NSF: variants seen among roughly 807,000 people sequenced by gnomAD.
NSF encodes the protein N-ethylmaleimide sensitive factor, vesicle fusing ATPase.
A neutral mutation model predicts 50.3 loss-of-function variants in NSF; 14 were observed. The ratio of observed to expected loss-of-function variants is 0.28; its 90% confidence interval spans 0.18 to 0.44. The LOEUF (loss-of-function observed/expected upper bound fraction) is 0.44. Among genes scored for constraint, NSF ranks in the 20% least tolerant of loss-of-function variants. The pLI is 1.00. For missense variants in NSF, 218 were observed against 504.3 expected, an observed-to-expected ratio of 0.43 and a Z score of 5.44; for synonymous variants, 109 against 175.7, an observed-to-expected ratio of 0.62 and a Z score of 3.00.
At chr17:46,707,339 G>T (rs1199028641) in intron 13 of NSF, among the ~76,000 whole-genome samples, 1 of 152,046 alleles carries the variant, frequency 6.6e-6, no homozygotes, top group African/African-American at 2.4e-5. Flanking sequence ...ATTGATACAA[G>T]TTCTTTATAT....
chr17:46,726,602 T>C lies in NSF; in HGVS notation c.1815T>C (p.Ile605=), dbSNP rs778460750. ...TCAGTTGTGTGGTTGTGGATGACAT[T>C]GAGAGATTGCTTGGTGAGTCCTAAC... ...SQLSCVVVDD[I]ERLLDYVPIG... The change falls in exon 16 of 21, where the codon ATT becomes ATC. Residue 605 remains isoleucine, a synonymous_variant. Transcript: ENST00000398238. 5.0e-6 allele frequency: 8 copies of C among 1,613,734 alleles called. No homozygotes were observed. Among genetic ancestry groups the C allele is most frequent in the African/African-American group, 1.3e-5 (1 of 74,900 alleles).
At position 46,721,471 on chromosome 17, in the gene NSF, A is replaced by G. The variant is rs75923511; in HGVS notation, c.1762-5078A>G. On this transcript the variant is annotated intron_variant, in intron 15 of 20. Coordinates refer to ENST00000398238, the MANE Select transcript of NSF (RefSeq NM_006178.4). The stretch of plus-strand genomic sequence containing the variant: ...CCTAACTTTAAGACCCTATATATGT[A>G]TGTTGATAATTTTACCTGTTCTACA... 2.1e-3 allele frequency: 1,424 copies of G among 692,264 alleles called. 8 individuals carry two copies. The highest frequency in any genetic ancestry group is 3.4e-3 in the South Asian group (201 of 58,598). The allele number at this position is 692,264 out of a possible 1,614,324, so 42.9% of individuals were successfully genotyped here.
chr17:46,748,443 A>G (rs1262724242), intron 17 of NSF, among the ~76,000 whole-genome samples: 2 of 152,182 alleles, frequency 1.3e-5, no homozygotes, highest in Non-Finnish European at 2.9e-5. Context: ...TAGCCAAACT[A>G]TTAAGACAAA....
chr17:46,743,817 G>A (rs1387645362), intron 17 of NSF, among the ~76,000 whole-genome samples: 3 of 152,136 alleles, frequency 2.0e-5, no homozygotes, highest in Non-Finnish European at 4.4e-5. Flanking sequence ...AGCCTTCTCT[G>A]GTTTCCTGTT....
rs953473710 is a variant in NSF, at chr17:46,621,313, G to A, written c.13-2931G>A. 2.8e-4 allele frequency among the ~76,000 whole-genome samples: 39 copies of A among 140,744 alleles called. 1 individual carries two copies. The highest frequency in any genetic ancestry group is 1.0e-3 in the African/African-American group (39 of 37,622). 92.3% of individuals were successfully genotyped at this position (140,744 alleles called of 152,430 possible). On this transcript the variant is annotated intron_variant, in intron 1 of 20. Transcript: ENST00000398238. The stretch of plus-strand genomic sequence containing the variant: ...GGAATTTTTTTTTTTTTGAGATAGG[G>A]TCTCGCTCTGTTGCCCAGACTGGAG...
chr17:46,732,447 T>G (rs1374345907), intron 17 of NSF, among the ~76,000 whole-genome samples: 1 of 151,942 alleles, frequency 6.6e-6, no homozygotes, highest in Non-Finnish European at 1.5e-5. Flanking sequence ...TCTTGGATTT[T>G]CAGTGTAGAA....
At chr17:46,699,490 A>C in intron 12 of NSF, among the ~76,000 whole-genome samples, 1 of 152,150 alleles carries the variant, frequency 6.6e-6, no homozygotes, top group East Asian at 1.9e-4. Context: ...AGAATTTCAT[A>C]AAATTATTTC....
intron 17 of NSF, among the ~76,000 whole-genome samples, chr17:46,730,073 A>T (rs2058934031): frequency 1.3e-5 from 2 of 152,218 alleles, no homozygotes; most frequent in South Asian, 4.1e-4. Context: ...AAGTAAGTAA[A>T]CGTATATATC....
At chr17:46,703,721 A>G (rs1048975181) in intron 12 of NSF, among the ~76,000 whole-genome samples, 17 of 150,098 alleles carry the variant, frequency 1.1e-4, no homozygotes, top group Middle Eastern at 3.5e-3. Context: ...ACAGAAAACC[A>G]TAAAATTTAC....
chr17:46,631,060 G>A (rs1290412284), intron 4 of NSF, among the ~76,000 whole-genome samples: 1 of 47,600 alleles, frequency 2.1e-5, no homozygotes, highest in East Asian at 1.0e-3. Context: ...GTCTCTCTCT[G>A]TACACACACA....
chr17:46,730,850 A>G (rs2058941599), intron 17 of NSF, among the ~76,000 whole-genome samples: 1 of 152,186 alleles, frequency 6.6e-6, no homozygotes, highest in African/African-American at 2.4e-5. Context: ...AGTCAGAACC[A>G]ATAGTGAGAT....
chr17:46,610,099 TTCTCTCTCTCTCTC>T lies in NSF; in HGVS notation c.13-14131_13-14118del, dbSNP rs369452486. Among the ~76,000 whole-genome samples the T allele has an allele frequency of 4.5e-5, 4 of 89,498 alleles. No individual in the cohort carries two copies. The East Asian group carries it at 9.8e-4, about 22-fold the overall frequency. 58.7% of individuals were successfully genotyped at this position (89,498 alleles called of 152,430 possible). A position where few individuals can be genotyped will look rare whatever the true frequency, so the allele number is the denominator to read the frequency against. On this transcript the variant is annotated intron_variant, in intron 1 of 20. Coordinates refer to ENST00000398238, the MANE Select transcript of NSF (RefSeq NM_006178.4). The stretch of plus-strand genomic sequence containing the variant: ...TTCCTTCTTTCTTTCTTTTCTCTCT[TTCTCTCTCTCTCTC>T]TCTCTCTCTCTCTTCCTTTCTTCCT...
At chr17:46,750,853 A>G (rs2059175513) in intron 18 of NSF, among the ~76,000 whole-genome samples, 1 of 152,162 alleles carries the variant, frequency 6.6e-6, no homozygotes, top group South Asian at 2.1e-4. Flanking sequence ...TCAAAAAAAA[A>G]AAAGCTACAG....
chr17:46,731,635 A>G (rs199448), intron 17 of NSF, among the ~76,000 whole-genome samples: 20,244 of 152,166 alleles, frequency 0.13, 1,832 homozygotes, highest in Non-Finnish European at 0.2. Context: ...TGGATCATTT[A>G]AAAAGAACAT....
intron 13 of NSF, among the ~76,000 whole-genome samples, chr17:46,708,490 CCTT>C (rs1458603438): frequency 6.3e-5 from 9 of 143,048 alleles, no homozygotes; most frequent in African/African-American, 2.3e-4. Context: ...TGTTACATAT[CCTT>C]TTTTTTTTTT....
chr17:46,739,325 C>T (rs967354443), intron 17 of NSF, among the ~76,000 whole-genome samples: 15 of 143,632 alleles, frequency 1.0e-4, no homozygotes, highest in African/African-American at 3.1e-4. Context: ...GAGCCGAGAT[C>T]GCGCCACTGC....
intron 17 of NSF, among the ~76,000 whole-genome samples, chr17:46,729,608 T>C (rs1314236263): frequency 6.6e-6 from 1 of 152,168 alleles, no homozygotes; most frequent in African/African-American, 2.4e-5. Flanking sequence ...ACATGAGTTC[T>C]CTTGATTGAT....
At chr17:46,739,142 G>C (rs894362127) in intron 17 of NSF, among the ~76,000 whole-genome samples, 3 of 152,208 alleles carry the variant, frequency 2.0e-5, no homozygotes, top group African/African-American at 7.2e-5. Flanking sequence ...GGCCAAGGTA[G>C]GTGGATCATT....
Position 46,728,866 on chromosome 17 carries a change from A to G in NSF, c.1840A>G (p.Ile614Val). The change falls in exon 17 of 21, where the codon ATT becomes GTT. Residue 614 changes from isoleucine to valine, a missense_variant. Ile to Val is a conservative substitution (Grantham distance 29). Around this residue, in one of 2 missense-constraint regions of NSF, gnomAD observed 209 missense variants for 320.9 expected, o/e 0.65. Coordinates refer to ENST00000398238, the MANE Select transcript of NSF (RefSeq NM_006178.4). ...DIERLLDYVPIGPRFSNLVLQ... is the reference protein window; with the variant it reads ...DIERLLDYVPVGPRFSNLVLQ... ...TGTTTCTTTTCCAGATTACGTCCCT[A>G]TTGGCCCTCGATTTTCAAATCTTGT... 1.2e-6 allele frequency: 2 copies of G among 1,607,594 alleles called. No individual in the cohort carries two copies. The highest frequency in any genetic ancestry group is 1.7e-6 in the Non-Finnish European group (2 of 1,176,640).
Sources: allele counts gnomAD v4.1 joint callset (sites outside exome capture counted in the v4.1 genomes callset), GRCh38; gene constraint gnomAD v4.1.1; regional missense constraint gnomAD v4.1.1; transcripts MANE v1.5; gene names NCBI Gene and HGNC (gene_info 2026-07-23, HGNC 2026-07-21).